PUM3: variants seen among roughly 807,000 people sequenced by gnomAD.
PUM3 encodes pumilio homolog 3.
Under a neutral mutation model 84.0 loss-of-function variants are expected in PUM3, and 91 were observed. The observed-to-expected ratio is 1.08, with a 90% CI of 0.91 to 1.29. The LOEUF is 1.29. Among genes scored for constraint, PUM3 ranks in the 50% most tolerant of loss-of-function variants. The pLI is 0.00. For missense variants in PUM3, 1,067 were observed against 767.5 expected (o/e 1.39, Z -4.61); for synonymous variants, 321 against 266.7 (o/e 1.20, Z -1.98).
At chr9:2,809,243 C>T (rs1443397492) in intron 16 of PUM3, among the ~76,000 whole-genome samples, 1 of 152,142 alleles carries the variant, frequency 6.6e-6, no homozygotes, top group East Asian at 1.9e-4. Flanking sequence ...AGGACAAACT[C>T]ATTTGGTGCT....
intron 6 of PUM3, 47 bp downstream of exon 6, chr9:2,831,204 G>T: frequency 1.5e-6 from 2 of 1,323,280 alleles, no homozygotes; most frequent in Non-Finnish European, 2.2e-6. Flanking sequence ...GAGAAAACAA[G>T]TGACTTATTG....
intron 17 of PUM3, among the ~76,000 whole-genome samples, chr9:2,807,600 C>CAAAAAA (rs71329449): frequency 2.1e-4 from 14 of 67,070 alleles, no homozygotes; most frequent in Non-Finnish European, 2.0e-4. Flanking sequence ...GACTCCATCT[C>CAAAAAA]AAAAAAAAAA....
intron 8 of PUM3, 145 bp from the exon 9 acceptor site, chr9:2,828,923 T>C (rs1815899117): frequency 3.1e-6 from 2 of 647,884 alleles, no homozygotes; most frequent in African/African-American, 3.7e-5. Context: ...CTGCTGTATA[T>C]CCTTGTGGAG....
At chr9:2,826,301 G>A (rs1180444733) in intron 10 of PUM3, among the ~76,000 whole-genome samples, 3 of 152,094 alleles carry the variant, frequency 2.0e-5, no homozygotes, top group South Asian at 2.1e-4. Flanking sequence ...CCTCAGAACC[G>A]TGGGATACTG....
At position 2,812,241 on chromosome 9, in the gene PUM3, T is replaced by C; in HGVS notation, c.1391A>G (p.Lys464Arg). The change falls in exon 14 of 18, where the codon AAA becomes AGA. Residue 464 changes from lysine (K) to arginine (R), a missense_variant. Physicochemically the swap from Lys to Arg is conservative, Grantham distance 26. Transcript: ENST00000397885. ...TVREIIEVLQ[K>R]GDGNAHSKKD... ...TTACCTGTGTGCATTTCCATCTCCT[T>C]TTTGCAGAACTTCAATGATTTCTCG... is the stretch of plus-strand genomic sequence containing the variant. The C allele has an allele frequency of 1.2e-6, 2 of 1,613,914 alleles. No individual in the cohort carries two copies. Among genetic ancestry groups the C allele is most frequent in the Non-Finnish European group, 1.7e-6 (2 of 1,179,842 alleles).
chr9:2,843,228 C>A (rs902171726), intron 1 of PUM3, among the ~76,000 whole-genome samples: 2 of 152,174 alleles, frequency 1.3e-5, no homozygotes, highest in Admixed American at 6.5e-5. Context: ...CTCTATCCGG[C>A]TAACTTTATC....
intron 2 of PUM3, 66 bp from the exon 3 acceptor site, chr9:2,837,467 T>TA: frequency 9.7e-7 from 1 of 1,036,118 alleles, no homozygotes; most frequent in Non-Finnish European, 1.4e-6. Flanking sequence ...TATTGGATTA[T>TA]ATCCATTACA....
At chr9:2,825,799 G>C (rs1815801074) in intron 10 of PUM3, among the ~76,000 whole-genome samples, 2 of 152,032 alleles carry the variant, frequency 1.3e-5, no homozygotes. Flanking sequence ...CAAAGTCTAA[G>C]GCATGTAGGA....
chr9:2,812,380 A>C lies in PUM3; in HGVS notation c.1270-18T>G, dbSNP rs749982623. 3 of 1,492,596 alleles carry C rather than the reference A, an allele frequency of 2.0e-6. No individual in the cohort carries two copies. The highest frequency in any genetic ancestry group is 2.8e-6 in the Non-Finnish European group (3 of 1,088,756). 92.5% of individuals were successfully genotyped at this position (1,492,596 alleles called of 1,614,324 possible). A position where few individuals can be genotyped will look rare whatever the true frequency, so the allele number is the denominator to read the frequency against. On this transcript the variant is annotated intron_variant, in intron 13 of 17. Coordinates refer to ENST00000397885, the MANE Select transcript of PUM3 (RefSeq NM_014878.5). ...ATAATTTCCTATAAAATTATAAACA[A>C]AAAAAAAGAATCAATATCTGCATTC...
At chr9:2,831,856 T>C (rs367657024) in intron 5 of PUM3, among the ~76,000 whole-genome samples, 3 of 152,194 alleles carry the variant, frequency 2.0e-5, no homozygotes, top group African/African-American at 7.2e-5. Flanking sequence ...TATAATAAGT[T>C]AATCATCCAT....
chr9:2,841,465 G>A (rs1446924551), intron 1 of PUM3, among the ~76,000 whole-genome samples: 1 of 152,114 alleles, frequency 6.6e-6, no homozygotes, highest in Non-Finnish European at 1.5e-5. Flanking sequence ...CTACTCAGGG[G>A]GCTGAGGCAG....
chr9:2,835,851 A>G (rs112544609), intron 3 of PUM3, among the ~76,000 whole-genome samples: 42 of 152,334 alleles, frequency 2.8e-4, no homozygotes, highest in African/African-American at 9.4e-4. Flanking sequence ...GATATCAGGA[A>G]CATATCTCCC....
chr9:2,812,869 C>G (rs776953635), intron 13 of PUM3, among the ~76,000 whole-genome samples: 1 of 152,184 alleles, frequency 6.6e-6, no homozygotes, highest in Non-Finnish European at 1.5e-5. Flanking sequence ...GCTGAGGTCA[C>G]TGAGTAGAGG....
intron 14 of PUM3, 130 bp downstream of exon 14, chr9:2,812,090 G>A: frequency 1.3e-6 from 1 of 782,842 alleles, no homozygotes; most frequent in South Asian, 1.6e-5. Context: ...AAAAATATAG[G>A]CTTGAAAATG....
At chr9:2,815,097 C>T (rs1270440048) in intron 13 of PUM3, among the ~76,000 whole-genome samples, 1 of 152,106 alleles carries the variant, frequency 6.6e-6, no homozygotes, top group Non-Finnish European at 1.5e-5. Flanking sequence ...GAACTTTACT[C>T]CCTTTTGGTT....
In PUM3 at chr9:2,828,726, A is replaced by C. The variant is rs137936878; in HGVS notation, c.905T>G (p.Leu302Ter). ...DKVLEVQPEK[L>*]ELIMDEMKQI... ...TTTCATTTCATCCATAATAAGTTCT[A>C]ATTTTTCTGGCTGTACCTCTAACAC... The change falls in exon 9 of 18, where the codon TTA becomes TGA. Residue 302 changes from leucine (L) to a stop codon, truncating the protein, a stop_gained. Coordinates refer to ENST00000397885, the MANE Select transcript of PUM3 (RefSeq NM_014878.5). LOFTEE classifies it high-confidence loss of function. 2 of 1,609,830 alleles carry C rather than the reference A, an allele frequency of 1.2e-6. No individual in the cohort carries two copies. Among genetic ancestry groups the C allele is most frequent in the Non-Finnish European group, 1.7e-6 (2 of 1,176,236 alleles).
intron 1 of PUM3, among the ~76,000 whole-genome samples, chr9:2,843,079 G>A (rs1022347943): frequency 6.6e-6 from 1 of 152,082 alleles, no homozygotes; most frequent in African/African-American, 2.4e-5. Flanking sequence ...AAGAGAACCA[G>A]GGCCTATTCA....
Position 2,824,127 on chromosome 9 carries a change from G to T in PUM3, c.1135-293C>A, listed in dbSNP as rs900487276. 2.0e-5 allele frequency among the ~76,000 whole-genome samples: 3 copies of T among 152,090 alleles called. No homozygotes were observed. In the East Asian group the frequency reaches 5.8e-4, roughly 29 times the overall value. On this transcript the variant is annotated intron_variant, in intron 11 of 17. Transcript: ENST00000397885. ...GAGACCAGACAGATCCTTCTTCCAAGGTCTAAACTGTCCTCAAATGCAGAG... is the reference window on the plus strand; with the variant it reads ...GAGACCAGACAGATCCTTCTTCCAATGTCTAAACTGTCCTCAAATGCAGAG...
intron 11 of PUM3, among the ~76,000 whole-genome samples, chr9:2,824,093 T>C (rs944925680): frequency 1.3e-5 from 2 of 152,008 alleles, no homozygotes; most frequent in African/African-American, 2.4e-5. Context: ...GCAAGCCACC[T>C]TTCACAGTGA....
Sources: gnomAD v4.1 joint callset for allele counts (sites outside exome capture counted in the v4.1 genomes callset) on GRCh38, gnomAD v4.1.1 for gene constraint, MANE v1.5 for transcripts, NCBI Gene and HGNC (gene_info 2026-07-23, HGNC 2026-07-21) for gene names.